The following ARHGAP24 variants were observed in gnomAD, a reference collection of about 807,000 sequenced individuals.
ARHGAP24 encodes the protein Rho GTPase activating protein 24, also known as rho GTPase-activating protein 24.
Under a neutral mutation model 76.4 loss-of-function variants are expected in ARHGAP24, and 50 were observed. The observed-to-expected ratio is 0.65, with a 90% CI of 0.52 to 0.83. The LOEUF (loss-of-function observed/expected upper bound fraction) is 0.83, where lower values mean the gene tolerates loss of function less well. ARHGAP24 is among the 40% of genes least tolerant of loss of function. ARHGAP24 has a pLI of 0.00. For missense variants in ARHGAP24, 930 were observed against 914.2 expected (o/e 1.02, Z -0.22); for synonymous variants, 345 against 323.3 (o/e 1.07, Z -0.72).
chr4:86,000,452 C>T (rs770758420), intron 9 of ARHGAP24, 27 bp from the exon 10 acceptor site: 4 of 601,572 alleles, frequency 6.6e-6, no homozygotes, highest in Non-Finnish European at 1.1e-5. Flanking sequence ...CGTCCCCACC[C>T]CCCACCCCCC....
chr4:85,826,609 G>C (rs1729723084), intron 3 of ARHGAP24, among the ~76,000 whole-genome samples: 1 of 152,136 alleles, frequency 6.6e-6, no homozygotes, highest in African/African-American at 2.4e-5. Flanking sequence ...TACTCACTGG[G>C]GAAATAAGAG....
Position 85,830,392 on chromosome 4 carries a change from C to T in ARHGAP24, c.269-93256C>T, listed in dbSNP as rs181874959. On this transcript the variant is annotated intron_variant, in intron 3 of 9. Transcript: ENST00000395184. Reference sequence around the variant, plus strand: ...AGCAAGGGCCACTGTGTCCATCGTGCCTAGCATTTCTGCTATTCCTACTTT... The same window carrying T: ...AGCAAGGGCCACTGTGTCCATCGTGTCTAGCATTTCTGCTATTCCTACTTT... Among the ~76,000 whole-genome samples the T allele has an allele frequency of 1.9e-3, 288 of 152,272 alleles. 1 individual carries two copies. The highest frequency in any genetic ancestry group is 6.7e-3 in the African/African-American group (279 of 41,554).
chr4:85,847,824 G>T (rs932484734), intron 3 of ARHGAP24, among the ~76,000 whole-genome samples: 1 of 152,110 alleles, frequency 6.6e-6, no homozygotes, highest in Non-Finnish European at 1.5e-5. Flanking sequence ...GGAGGGTAAT[G>T]CTGCCCTCCA....
At chr4:85,713,827 C>T (rs1015182686) in intron 2 of ARHGAP24, among the ~76,000 whole-genome samples, 1 of 152,074 alleles carries the variant, frequency 6.6e-6, no homozygotes, top group African/African-American at 2.4e-5. Flanking sequence ...ATTAGTTTTC[C>T]TCTCAATTAA....
At chr4:85,593,007 T>A (rs1164016115) in intron 2 of ARHGAP24, among the ~76,000 whole-genome samples, 1 of 152,094 alleles carries the variant, frequency 6.6e-6, no homozygotes, top group African/African-American at 2.4e-5. Flanking sequence ...GTAGCTTTAT[T>A]TTTAGTTTTT....
chr4:85,802,998 C>T (rs1396015989), intron 3 of ARHGAP24, among the ~76,000 whole-genome samples: 1 of 152,118 alleles, frequency 6.6e-6, no homozygotes, highest in Non-Finnish European at 1.5e-5. Context: ...TTTAGCACAG[C>T]CTGAGGAAGT....
intron 3 of ARHGAP24, among the ~76,000 whole-genome samples, chr4:85,731,027 CAGAGAG>C (rs371450623): frequency 3.7e-5 from 3 of 80,628 alleles, no homozygotes; most frequent in African/African-American, 8.4e-5. Flanking sequence ...CACACACACA[CAGAGAG>C]AGAGACTGGG....
chr4:85,600,569 A>G (rs1442103720), intron 2 of ARHGAP24, among the ~76,000 whole-genome samples: 3 of 152,198 alleles, frequency 2.0e-5, no homozygotes, highest in African/African-American at 4.8e-5. Context: ...GTGTGTATTA[A>G]TGTGCCTTAG....
intron 3 of ARHGAP24, among the ~76,000 whole-genome samples, chr4:85,783,837 G>A (rs925294699): frequency 7.2e-5 from 11 of 152,080 alleles, no homozygotes; most frequent in African/African-American, 2.7e-4. Flanking sequence ...TGGTGTTTAT[G>A]GAACTTTTAA....
Position 85,648,955 on chromosome 4 carries a change from T to C in ARHGAP24, c.181-72930T>C, listed in dbSNP as rs1441782200. Among the ~76,000 whole-genome samples, 3 of 152,040 alleles carry C rather than the reference T, an allele frequency of 2.0e-5. 1 individual carries two copies. The highest frequency in any genetic ancestry group is 4.4e-5 in the Non-Finnish European group (3 of 67,986). On this transcript the variant is annotated intron_variant, in intron 2 of 9. Transcript: ENST00000395184. ...GAAATTAACTTTCTGAAAAGGAGTATAGAACTGTGTCACATATGTGCATTC... is the reference window on the plus strand; with the variant it reads ...GAAATTAACTTTCTGAAAAGGAGTACAGAACTGTGTCACATATGTGCATTC...
intron 3 of ARHGAP24, among the ~76,000 whole-genome samples, chr4:85,826,342 T>G (rs1484771785): frequency 6.6e-6 from 1 of 152,188 alleles, no homozygotes; most frequent in African/African-American, 2.4e-5. Context: ...AGGCGAACTA[T>G]GTAACCAACC....
At chr4:85,534,935 A>G (rs1725407764) in intron 1 of ARHGAP24, among the ~76,000 whole-genome samples, 1 of 151,728 alleles carries the variant, frequency 6.6e-6, no homozygotes, top group Non-Finnish European at 1.5e-5. Context: ...AGTAAAAAAA[A>G]AAAAAAAAAG....
rs140491220 is a variant in ARHGAP24, at chr4:85,628,018, C to T, written c.180+57297C>T. The stretch of plus-strand genomic sequence containing the variant: ...GGAAAGGGAATTCGCTGACCCCTTG[C>T]GCTTCCCAGGTGAGGTGATGCCTCG... On this transcript the variant is annotated intron_variant, in intron 2 of 9. Coordinates refer to ENST00000395184, the MANE Select transcript of ARHGAP24 (RefSeq NM_001025616.3). Among the ~76,000 whole-genome samples the T allele has an allele frequency of 1.6e-3, 237 of 152,314 alleles. 2 individuals carry two copies. Among genetic ancestry groups the T allele is most frequent in the African/African-American group, 5.1e-3 (211 of 41,568 alleles).
At chr4:85,962,947 C>T (rs1738349607) in intron 5 of ARHGAP24, among the ~76,000 whole-genome samples, 1 of 151,072 alleles carries the variant, frequency 6.6e-6, no homozygotes, top group Non-Finnish European at 1.5e-5. Flanking sequence ...TTTTTTCATA[C>T]CATAAAACTG....
chr4:85,532,806 C>A (rs1387024824), intron 1 of ARHGAP24, among the ~76,000 whole-genome samples: 1 of 152,162 alleles, frequency 6.6e-6, no homozygotes, highest in African/African-American at 2.4e-5. Context: ...GAAGTCACAG[C>A]AAATCCTTAA....
chr4:85,769,737 G>A (rs1362075060), intron 3 of ARHGAP24, among the ~76,000 whole-genome samples: 9 of 151,478 alleles, frequency 5.9e-5, no homozygotes, highest in Admixed American at 5.3e-4. Context: ...ACAGGCGCCC[G>A]CCACTACGCC....
At chr4:85,812,144 C>G (rs1186402387) in intron 3 of ARHGAP24, among the ~76,000 whole-genome samples, 2 of 151,766 alleles carry the variant, frequency 1.3e-5, no homozygotes, top group African/African-American at 4.8e-5. Context: ...CCACTGCACT[C>G]CAGCCTGGGT....
intron 1 of ARHGAP24, among the ~76,000 whole-genome samples, chr4:85,539,423 T>A (rs1321573791): frequency 6.6e-6 from 1 of 152,174 alleles, no homozygotes; most frequent in Non-Finnish European, 1.5e-5. Flanking sequence ...AACATTTTAA[T>A]GTGAGTTAAG....
intron 2 of ARHGAP24, among the ~76,000 whole-genome samples, chr4:85,628,703 A>T (rs973087046): frequency 1.4e-4 from 21 of 152,252 alleles, no homozygotes; most frequent in African/African-American, 4.6e-4. Context: ...ACATGTATTT[A>T]CAATTATTAT....
Sources: allele counts gnomAD v4.1 joint callset (sites outside exome capture counted in the v4.1 genomes callset), GRCh38; gene constraint gnomAD v4.1.1; transcripts MANE v1.5; gene names NCBI Gene and HGNC (gene_info 2026-07-23, HGNC 2026-07-21).